The following ABAT variants were observed in gnomAD, a reference collection of about 807,000 sequenced individuals.
ABAT encodes the protein 4-aminobutyrate aminotransferase.
Under a neutral mutation model 64.6 loss-of-function variants are expected in ABAT, and 45 were observed. The ratio of observed to expected loss-of-function variants is 0.70; its 90% CI spans 0.55 to 0.89. ABAT has a LOEUF of 0.89. Ranked by LOEUF, ABAT falls within the 40% of genes least tolerant of loss-of-function variation. The pLI, the probability that ABAT is intolerant of heterozygous loss-of-function variation, is 0.00. For missense variants in ABAT, 633 were observed against 658.4 expected, an observed-to-expected ratio of 0.96 and a Z score of 0.42; for synonymous variants, 297 against 250.5, an observed-to-expected ratio of 1.19 and a Z score of -1.75.
chr16:8,728,069 A>G (rs1350100922), intron 1 of ABAT, among the ~76,000 whole-genome samples: 1 of 63,352 alleles, frequency 1.6e-5, no homozygotes, highest in Non-Finnish European at 3.2e-5. Context: ...AGACCCTGTC[A>G]GAGAGAGAGA....
chr16:8,686,127 G>T (rs1286591691), intron 1 of ABAT, among the ~76,000 whole-genome samples: 1 of 151,892 alleles, frequency 6.6e-6, no homozygotes, highest in Non-Finnish European at 1.5e-5. Context: ...GGGCTGTTTT[G>T]TGCACGGGAA....
At chr16:8,767,567 G>T (rs533410356) in intron 9 of ABAT, among the ~76,000 whole-genome samples, 131 of 152,304 alleles carry the variant, frequency 8.6e-4, no homozygotes, top group African/African-American at 3.0e-3. Context: ...CGGGCAGTGG[G>T]TACTGCTTGG....
At chr16:8,720,749 A>T (rs1248847968) in intron 1 of ABAT, 1 of 152,276 alleles carries the variant, frequency 6.6e-6, no homozygotes, top group African/African-American at 2.4e-5. Context: ...AGAAGCCAGC[A>T]GCTGGGGCTG....
chr16:8,741,331 A>C (rs2059156689), intron 2 of ABAT, among the ~76,000 whole-genome samples: 1 of 152,212 alleles, frequency 6.6e-6, no homozygotes, highest in Non-Finnish European at 1.5e-5. Flanking sequence ...AAAGGCTAGC[A>C]CTCGATGAAA....
chr16:8,759,823 C>A (rs892997983), intron 6 of ABAT, among the ~76,000 whole-genome samples: 1 of 152,186 alleles, frequency 6.6e-6, no homozygotes, highest in African/African-American at 2.4e-5. Context: ...GGATTACAGG[C>A]GTGAGCCACC....
chr16:8,725,459 C>T (rs895822527), intron 1 of ABAT, among the ~76,000 whole-genome samples: 2 of 152,136 alleles, frequency 1.3e-5, no homozygotes, highest in Non-Finnish European at 2.9e-5. Flanking sequence ...TAAATGGATT[C>T]GTAGACTATG....
intron 1 of ABAT, among the ~76,000 whole-genome samples, chr16:8,723,059 C>A (rs13338663): frequency 6.6e-6 from 1 of 152,152 alleles, no homozygotes; most frequent in East Asian, 1.9e-4. Flanking sequence ...ATGGTGAAAC[C>A]CTGTCTCTAC....
At chr16:8,752,344 C>G (rs968670603) in intron 5 of ABAT, among the ~76,000 whole-genome samples, 2 of 152,298 alleles carry the variant, frequency 1.3e-5, no homozygotes, top group African/African-American at 2.4e-5. Context: ...CAAATCCTGG[C>G]TCTACTATAT....
intron 5 of ABAT, among the ~76,000 whole-genome samples, chr16:8,750,943 C>CTTTTTTTTTTTTTTTTTTTTTTCT (rs2059462972): frequency 9.1e-6 from 1 of 109,742 alleles, no homozygotes. Flanking sequence ...TTTTTCCCTG[C>CTTTTTTTTTTTTTTTTTTTTTTCT]TTTTTTTTTT....
intron 5 of ABAT, among the ~76,000 whole-genome samples, chr16:8,756,106 C>T (rs540806474): frequency 7.9e-5 from 12 of 151,756 alleles, no homozygotes; most frequent in South Asian, 4.2e-4. Context: ...CCAGCTACTC[C>T]GGAGGCTGAG....
chr16:8,681,339 T>C (rs922578811), intron 1 of ABAT, among the ~76,000 whole-genome samples: 1 of 152,042 alleles, frequency 6.6e-6, no homozygotes, highest in African/African-American at 2.4e-5. Flanking sequence ...TATTTCTTCA[T>C]CCACTTAAAT....
At chr16:8,688,045 G>A (rs530352813) in intron 1 of ABAT, among the ~76,000 whole-genome samples, 13 of 151,336 alleles carry the variant, frequency 8.6e-5, no homozygotes, top group Middle Eastern at 3.4e-3. Context: ...CTATAGGCCC[G>A]TTCCCTGCCC....
intron 5 of ABAT, among the ~76,000 whole-genome samples, chr16:8,755,253 C>T (rs1040431698): frequency 6.6e-6 from 1 of 152,028 alleles, no homozygotes; most frequent in African/African-American, 2.4e-5. Context: ...CTGGTCTTCT[C>T]GACAGGGAGG....
At chr16:8,765,335 C>CAAA (rs143330523) in intron 8 of ABAT, among the ~76,000 whole-genome samples, 1 of 134,178 alleles carries the variant, frequency 7.5e-6, no homozygotes, top group Non-Finnish European at 1.6e-5. Flanking sequence ...GACCCTGTCT[C>CAAA]AAAAAAAAAA....
Position 8,737,920 on chromosome 16 carries a change from TA to T in ABAT, c.70+2125del, listed in dbSNP as rs55678780. ...TTCAGCCTGGGCAACAGACTGAGAT[TA>T]AAAAAAAAAAAAAGAAAGGAAAGGA... is the stretch of plus-strand genomic sequence containing the variant. On this transcript the variant is annotated intron_variant, in intron 2 of 15. Coordinates refer to ENST00000268251, the MANE Select transcript of ABAT (RefSeq NM_020686.6). Among the ~76,000 whole-genome samples, 29 of 69,634 alleles carry T rather than the reference TA, an allele frequency of 4.2e-4. 2 individuals are homozygous for T. Among genetic ancestry groups the T allele is most frequent in the Non-Finnish European group, 3.8e-4 (15 of 39,282 alleles). The allele number at this position is 69,634 out of a possible 152,430, so 45.7% of individuals were successfully genotyped here. A position where few individuals can be genotyped will look rare whatever the true frequency, so the allele number is the denominator to read the frequency against.
Position 8,707,374 on chromosome 16 carries a change from G to A in ABAT, c.-41-28325G>A, listed in dbSNP as rs1451750991. Reference sequence around the variant, plus strand: ...GGTAATTTTTTTTTTTTTTTTTAGCGGAGACAGGGTTTCACTATGTTGCCC... The same window carrying A: ...GGTAATTTTTTTTTTTTTTTTTAGCAGAGACAGGGTTTCACTATGTTGCCC... On this transcript the variant is annotated intron_variant, in intron 1 of 15. Transcript: ENST00000268251. Among the ~76,000 whole-genome samples, 10 of 68,570 alleles carry A rather than the reference G, an allele frequency of 1.5e-4. 1 individual carries two copies. Among genetic ancestry groups the A allele is most frequent in the African/African-American group, 2.0e-4 (3 of 15,336 alleles). 45.0% of individuals were successfully genotyped at this position (68,570 alleles called of 152,430 possible).
intron 1 of ABAT, among the ~76,000 whole-genome samples, chr16:8,728,129 G>A (rs184523583): frequency 6.6e-6 from 1 of 152,284 alleles, no homozygotes; most frequent in Non-Finnish European, 1.5e-5. Context: ...GCTGATAACA[G>A]GTGCCTAATT....
intron 9 of ABAT, 108 bp from the exon 10 acceptor site, chr16:8,768,085 T>G: frequency 8.2e-7 from 1 of 1,224,342 alleles, no homozygotes; most frequent in Non-Finnish European, 1.2e-6. Flanking sequence ...TGAGAAGGAT[T>G]CCTGGTTCTT....
At chr16:8,745,212 G>C (rs1469086763) in intron 2 of ABAT, among the ~76,000 whole-genome samples, 2 of 152,068 alleles carry the variant, frequency 1.3e-5, no homozygotes, top group East Asian at 1.9e-4. Context: ...GAACTTCTGA[G>C]CTCAAGGGAT....
Sources: gnomAD v4.1 joint callset for allele counts (sites outside exome capture counted in the v4.1 genomes callset) on GRCh38, gnomAD v4.1.1 for gene constraint, MANE v1.5 for transcripts, NCBI Gene and HGNC (gene_info 2026-07-23, HGNC 2026-07-21) for gene names.